NDRG1: variants seen among roughly 807,000 people sequenced by gnomAD.
NDRG1 encodes protein NDRG1.
NDRG1 carries 32 observed loss-of-function variants against 56.9 expected under a neutral mutation model. The ratio of observed to expected loss-of-function variants is 0.56; its 90% CI spans 0.42 to 0.76. The LOEUF (loss-of-function observed/expected upper bound fraction) is 0.76. Among genes scored for constraint, NDRG1 ranks in the 30% least tolerant of loss-of-function variants. The pLI, the probability that NDRG1 is intolerant of heterozygous loss-of-function variation, is 0.00. For missense variants in NDRG1, 507 were observed against 545.7 expected (o/e 0.93, Z 0.71); for synonymous variants, 211 against 204.1 (o/e 1.03, Z -0.29).
intron 1 of NDRG1, among the ~76,000 whole-genome samples, chr8:133,295,419 C>T (rs1006557256): frequency 6.6e-6 from 1 of 152,214 alleles, no homozygotes; most frequent in African/African-American, 2.4e-5. Flanking sequence ...CACCAAAACC[C>T]TCTCTCTCCC....
intron 3 of NDRG1, among the ~76,000 whole-genome samples, chr8:133,268,881 ACACACAC>A (rs1236385794): frequency 1.3e-5 from 2 of 151,840 alleles, no homozygotes; most frequent in Non-Finnish European, 2.9e-5. Flanking sequence ...ACACACACAC[ACACACAC>A]AACAAACACA....
At chr8:133,257,504 TACAGCATATG>T (rs1856446728) in intron 7 of NDRG1, among the ~76,000 whole-genome samples, 1 of 152,168 alleles carries the variant, frequency 6.6e-6, no homozygotes, top group Non-Finnish European at 1.5e-5. Flanking sequence ...TACAAACCTG[TACAGCATATG>T]ACGCTACCCA....
intron 3 of NDRG1, among the ~76,000 whole-genome samples, chr8:133,274,927 C>T (rs1451562412): frequency 6.6e-6 from 1 of 152,168 alleles, no homozygotes; most frequent in East Asian, 1.9e-4. Flanking sequence ...GCGTGGGAGG[C>T]CCTCAGTGCT....
intron 5 of NDRG1, among the ~76,000 whole-genome samples, chr8:133,261,752 T>C (rs1856668661): frequency 6.6e-6 from 1 of 152,122 alleles, no homozygotes; most frequent in African/African-American, 2.4e-5. Flanking sequence ...GGAGATAGTA[T>C]CTGATAAGTA....
At chr8:133,249,852 TGCGA>T (rs1353096674) in intron 10 of NDRG1, among the ~76,000 whole-genome samples, 2 of 152,242 alleles carry the variant, frequency 1.3e-5, no homozygotes, top group African/African-American at 4.8e-5. Flanking sequence ...TCTCCTGTTC[TGCGA>T]GCGTGGCAGA....
At chr8:133,270,894 T>A (rs1031652420) in intron 3 of NDRG1, among the ~76,000 whole-genome samples, 1 of 152,226 alleles carries the variant, frequency 6.6e-6, no homozygotes, top group African/African-American at 2.4e-5. Context: ...CTGAGGTCAA[T>A]GACAAGGCCT....
chr8:133,244,049 C>T (rs901604292), intron 14 of NDRG1, among the ~76,000 whole-genome samples: 2 of 152,138 alleles, frequency 1.3e-5, no homozygotes, highest in African/African-American at 2.4e-5. Context: ...GAGCTCCTTG[C>T]GGCCCTTCAC....
chr8:133,246,275 G>A (rs896926806), intron 13 of NDRG1, among the ~76,000 whole-genome samples: 12 of 152,196 alleles, frequency 7.9e-5, no homozygotes, highest in South Asian at 2.1e-4. Flanking sequence ...TGTGGGACAC[G>A]TCTCTTCTTA....
intron 3 of NDRG1, among the ~76,000 whole-genome samples, chr8:133,267,120 C>T (rs2929990): frequency 0.32 from 48,230 of 151,934 alleles, 7,904 homozygotes; most frequent in East Asian, 0.42. Flanking sequence ...CACCATCGTG[C>T]TTCTGCAGAA....
intron 1 of NDRG1, among the ~76,000 whole-genome samples, chr8:133,292,755 A>G (rs780810651): frequency 6.6e-6 from 1 of 151,984 alleles, no homozygotes; most frequent in South Asian, 2.1e-4. Flanking sequence ...TTCAAACAGA[A>G]CTCTATGCAG....
At chr8:133,249,951 A>C (rs77700643) in intron 10 of NDRG1, among the ~76,000 whole-genome samples, 15,115 of 152,012 alleles carry the variant, frequency 0.099, 828 homozygotes, top group Admixed American at 0.16. Context: ...CTCCTCCCCT[A>C]GCTGAGCTCC....
intron 1 of NDRG1, among the ~76,000 whole-genome samples, chr8:133,295,944 G>C (rs1041463505): frequency 6.6e-6 from 1 of 152,146 alleles, no homozygotes; most frequent in African/African-American, 2.4e-5. Flanking sequence ...CCCACTGCCA[G>C]GCATCTCCCA....
At chr8:133,284,437 C>T (rs1563640975) in intron 1 of NDRG1, 108 bp from the exon 2 acceptor site, 11 of 936,972 alleles carry the variant, frequency 1.2e-5, no homozygotes, top group Non-Finnish European at 1.9e-5. Context: ...CTCTGCCCAG[C>T]AGCTTCACCT....
intron 3 of NDRG1, among the ~76,000 whole-genome samples, chr8:133,271,778 TAAAAAAAA>T (rs66733314): frequency 3.3e-5 from 1 of 30,486 alleles, no homozygotes; most frequent in East Asian, 1.3e-3. Flanking sequence ...AGACCCTGTC[TAAAAAAAA>T]AAAAAAAAAA....
intron 1 of NDRG1, among the ~76,000 whole-genome samples, chr8:133,291,977 C>T (rs1384380821): frequency 1.3e-5 from 2 of 152,220 alleles, no homozygotes; most frequent in African/African-American, 4.8e-5. Flanking sequence ...TCAGGAATCT[C>T]GTCAGGGCCC....
intron 1 of NDRG1, among the ~76,000 whole-genome samples, chr8:133,294,724 C>G (rs944696131): frequency 6.6e-6 from 1 of 152,206 alleles, no homozygotes; most frequent in Non-Finnish European, 1.5e-5. Context: ...GCTGCAGCCT[C>G]TAAGCCCCTG....
At chr8:133,265,990 G>C (rs1856899605) in intron 3 of NDRG1, among the ~76,000 whole-genome samples, 1 of 152,272 alleles carries the variant, frequency 6.6e-6, no homozygotes, top group African/African-American at 2.4e-5. Flanking sequence ...CCACAGGGCA[G>C]TTGGGGAGCA....
chr8:133,294,323 G>C (rs1858609511), intron 1 of NDRG1, among the ~76,000 whole-genome samples: 1 of 152,192 alleles, frequency 6.6e-6, no homozygotes, highest in African/African-American at 2.4e-5. Flanking sequence ...TACGATCCAG[G>C]CAACGTTCTT....
Position 133,247,878 on chromosome 8 carries a change from G to A in NDRG1, c.804C>T (p.Ala268=), listed in dbSNP as rs754704497. 2.9e-5 allele frequency: 47 copies of A among 1,613,904 alleles called. No individual in the cohort carries two copies. Among genetic ancestry groups the A allele is most frequent in the Admixed American group, 5.0e-5 (3 of 60,012 alleles). Residue 268 remains alanine, a synonymous_variant, in exon 12 of 16, where the codon GCC becomes GCT. Transcript: ENST00000323851. ...VVGDSSPAVD[A]VVECNSKLDP... ...ATCAGCTGTGATTTCTACATACCACGGCATCCACTGCAGGCGAGCTGTCCC... is the reference window on the plus strand; with the variant it reads ...ATCAGCTGTGATTTCTACATACCACAGCATCCACTGCAGGCGAGCTGTCCC...
Sources: gnomAD v4.1 joint callset for allele counts (sites outside exome capture counted in the v4.1 genomes callset) on GRCh38, gnomAD v4.1.1 for gene constraint, MANE v1.5 for transcripts, NCBI Gene and HGNC (gene_info 2026-07-23, HGNC 2026-07-21) for gene names.